Variants in TMIGD3 observed in about 807,000 individuals in gnomAD.
TMIGD3 encodes the protein AD026 protein (AD026).
In TMIGD3, 21 loss-of-function variants were observed where a neutral mutation model predicts 28.1. The ratio of observed to expected loss-of-function variants is 0.75; its 90% confidence interval spans 0.53 to 1.08. TMIGD3 has a LOEUF of 1.08. Ranked by LOEUF, TMIGD3 falls within the 50% of genes least tolerant of loss-of-function variation. TMIGD3 has a pLI of 0.00. For synonymous variants in TMIGD3, 151 were observed against 162.1 expected (o/e 0.93, Z 0.52); for missense variants, 416 against 435.6 (o/e 0.96, Z 0.40).
chr1:111,483,752 T>C lies in TMIGD3; in HGVS notation c.979A>G (p.Asn327Asp). The C allele has an allele frequency of 6.2e-7, 1 of 1,613,792 alleles. No homozygotes were observed. The highest frequency in any genetic ancestry group is 8.5e-7 in the Non-Finnish European group (1 of 1,179,662). Residue 327 changes from asparagine (N) to aspartate (D), a missense_variant, in exon 6 of 6, where the codon AAC becomes GAC. Physicochemically the swap from Asn to Asp is conservative, Grantham distance 23. Coordinates refer to ENST00000369716, the MANE Select transcript of TMIGD3 (RefSeq NM_020683.7). Reference protein sequence around the residue: ...RRSQRNRRVGNTLKPFSRVLT... With the variant: ...RRSQRNRRVGDTLKPFSRVLT... ...ACACGCGAGAAGGGCTTCAAAGTGT[T>C]GCCTACTTTGTTGGGGAATAGAAAG...
At chr1:111,484,425 C>T (rs1157878494) in intron 5 of TMIGD3, among the ~76,000 whole-genome samples, 1 of 152,144 alleles carries the variant, frequency 6.6e-6, no homozygotes, top group African/African-American at 2.4e-5. Context: ...AAGGTCACAC[C>T]TTAAAAAAGT....
chr1:111,513,085 T>C (rs1353208172), intron 1 of TMIGD3, among the ~76,000 whole-genome samples: 1 of 152,172 alleles, frequency 6.6e-6, no homozygotes, highest in Non-Finnish European at 1.5e-5. Context: ...AGACATTTAG[T>C]CTTCCAGGTC....
At chr1:111,515,983 G>A (rs1655851818) in intron 1 of TMIGD3, among the ~76,000 whole-genome samples, 2 of 152,208 alleles carry the variant, frequency 1.3e-5, no homozygotes, top group African/African-American at 2.4e-5. Context: ...CCTGCAGGTG[G>A]GACCGCATGA....
Position 111,483,628 on chromosome 1 carries a change from G to A in TMIGD3, c.*59C>T. 7.3e-7 allele frequency: 1 copy of A among 1,361,962 alleles called. No individual in the cohort carries two copies. The highest frequency in any genetic ancestry group is 1.0e-6 in the Non-Finnish European group (1 of 956,736). The allele number at this position is 1,361,962 out of a possible 1,614,324, so 84.4% of individuals were successfully genotyped here. A position where few individuals can be genotyped will look rare whatever the true frequency, so the allele number is the denominator to read the frequency against. On this transcript the variant is annotated 3_prime_UTR_variant, in exon 6 of 6. Transcript: ENST00000369716. Reference sequence around the variant, plus strand: ...TCAGTCTCTGAGGTGTGGGCCAGTTGTCATGGTGATTATTCTGTTGTAGCA... The same window carrying A: ...TCAGTCTCTGAGGTGTGGGCCAGTTATCATGGTGATTATTCTGTTGTAGCA...
At chr1:111,553,401 C>T (rs1358398492) in intron 1 of TMIGD3, among the ~76,000 whole-genome samples, 1 of 152,166 alleles carries the variant, frequency 6.6e-6, no homozygotes, top group Non-Finnish European at 1.5e-5. Context: ...TTCATGCTGC[C>T]ACTATGCTAT....
chr1:111,504,450 C>A (rs376155929), upstream of TMIGD3, among the ~76,000 whole-genome samples: 3 of 152,226 alleles, frequency 2.0e-5, no homozygotes, highest in South Asian at 2.1e-4. Context: ...CTCCCTGAAG[C>A]TGCTTACCTA....
chr1:111,563,587 A>T (rs1657832446), intron 1 of TMIGD3, among the ~76,000 whole-genome samples: 1 of 152,212 alleles, frequency 6.6e-6, no homozygotes, highest in Non-Finnish European at 1.5e-5. Flanking sequence ...AGACAAGAGA[A>T]TTCATGGGAA....
At chr1:111,553,749 C>T (rs1467001764) in intron 1 of TMIGD3, among the ~76,000 whole-genome samples, 1 of 152,154 alleles carries the variant, frequency 6.6e-6, no homozygotes, top group Non-Finnish European at 1.5e-5. Context: ...AATTCCACTC[C>T]ACCCCCTTTT....
intron 1 of TMIGD3, among the ~76,000 whole-genome samples, chr1:111,515,353 G>A (rs1191455288): frequency 2.0e-5 from 3 of 152,162 alleles, no homozygotes; most frequent in African/African-American, 7.2e-5. Context: ...GGCTTCTCTT[G>A]CGCCTTGGGG....
chr1:111,496,834 C>G (rs962398090), intron 1 of TMIGD3, among the ~76,000 whole-genome samples: 1 of 152,198 alleles, frequency 6.6e-6, no homozygotes, highest in Non-Finnish European at 1.5e-5. Flanking sequence ...ATAGCAAGCT[C>G]AGAATAAAAA....
chr1:111,538,161 G>A lies in TMIGD3; in HGVS notation c.107+25685C>T, dbSNP rs376099591. ...CTATGATGTGCAGAAAACCACATCA[G>A]TTTCACCAAAAAAACACAATTTGTG... On this transcript the variant is annotated intron_variant, in intron 1 of 5. Transcript: ENST00000369717. 3.3e-5 allele frequency among the ~76,000 whole-genome samples: 5 copies of A among 152,200 alleles called. No homozygotes were observed. In the East Asian group the frequency reaches 9.6e-4, roughly 29 times the overall value.
rs138225666 is a variant in TMIGD3 at position 111,542,260 on chromosome 1, G to A, written c.107+21586C>T. 6 of 607,910 alleles carry A rather than the reference G, an allele frequency of 9.9e-6. No homozygotes were observed. In the East Asian group the frequency reaches 2.7e-4, roughly 28 times the overall value. 37.7% of individuals were successfully genotyped at this position (607,910 alleles called of 1,614,324 possible). ...GGAAACACTGGCGGCACATATTGAG[G>A]CCGTATTTCAGGATCAGACCTGCCG... On this transcript the variant is annotated intron_variant, in intron 1 of 5. Transcript: ENST00000369717.
chr1:111,506,070 C>G (rs893803946), upstream of TMIGD3, among the ~76,000 whole-genome samples: 1 of 151,780 alleles, frequency 6.6e-6, no homozygotes, highest in Non-Finnish European at 1.5e-5. Context: ...AATACTTTTC[C>G]TCCAAGACTG....
At chr1:111,554,766 G>T (rs962622146) in intron 1 of TMIGD3, among the ~76,000 whole-genome samples, 1 of 152,136 alleles carries the variant, frequency 6.6e-6, no homozygotes, top group Non-Finnish European at 1.5e-5. Context: ...TTTCTTCAAA[G>T]TGATTCAGGT....
At chr1:111,525,541 T>G (rs1344106490) in intron 1 of TMIGD3, among the ~76,000 whole-genome samples, 1 of 152,186 alleles carries the variant, frequency 6.6e-6, no homozygotes, top group African/African-American at 2.4e-5. Context: ...TCTTGTTACT[T>G]TTATCCCATT....
chr1:111,532,259 A>C (rs1571442096), intron 1 of TMIGD3, among the ~76,000 whole-genome samples: 1 of 144,396 alleles, frequency 6.9e-6, no homozygotes, highest in Non-Finnish European at 1.5e-5. Flanking sequence ...TGTTCTGCAA[A>C]CTAGCCACCT....
chr1:111,524,028 C>CTTTTTTTTTTTTTTTTTTTTTTTTTTTTT (rs35046603), intron 1 of TMIGD3, among the ~76,000 whole-genome samples: 5 of 108,788 alleles, frequency 4.6e-5, no homozygotes, highest in Non-Finnish European at 9.1e-5. Flanking sequence ...TCTTTCTTTT[C>CTTTTTTTTTTTTTTTTTTTTTTTTTTTTT]TTTTTTTTTT....
Position 111,498,732 on chromosome 1 carries a change from C to T in TMIGD3, c.350+4273G>A, listed in dbSNP as rs189250207. Among the ~76,000 whole-genome samples, 23 of 152,258 alleles carry T rather than the reference C, an allele frequency of 1.5e-4. No individual in the cohort carries two copies. The East Asian group carries it at 3.5e-3, about 23-fold the overall frequency. On this transcript the variant is annotated intron_variant, in intron 1 of 5. Transcript: ENST00000369716. ...ATGGAGATGATCATTATAGTGGTAC[C>T]TACCTCACAGATTGTCAGGATCAAA...
chr1:111,541,249 T>C (rs1319303278), intron 1 of TMIGD3, among the ~76,000 whole-genome samples: 1 of 152,230 alleles, frequency 6.6e-6, no homozygotes, highest in East Asian at 1.9e-4. Flanking sequence ...TTTGCTGCCA[T>C]AGAATATTTC....
Sources: gnomAD v4.1 joint callset for allele counts (sites outside exome capture counted in the v4.1 genomes callset) on GRCh38, gnomAD v4.1.1 for gene constraint, MANE v1.5 for transcripts, NCBI Gene and HGNC (gene_info 2026-07-23, HGNC 2026-07-21) for gene names.